The following STX1B variants were observed in gnomAD, a reference collection of about 807,000 sequenced individuals.
STX1B encodes syntaxin-1B.
A neutral mutation model predicts 39.4 loss-of-function variants in STX1B; 7 were observed. The observed-to-expected ratio is 0.18, with a 90% confidence interval of 0.10 to 0.33. STX1B has a LOEUF of 0.33. Among genes scored for constraint, STX1B ranks in the 10% least tolerant of loss-of-function variants. The pLI is 1.00. For missense variants in STX1B, 198 were observed against 383.2 expected (o/e 0.52, Z 4.04); for synonymous variants, 136 against 144.1 (o/e 0.94, Z 0.40).
At position 31,000,910 on chromosome 16, in the gene STX1B, A is replaced by G; in HGVS notation, c.280+18T>C. On this transcript the variant is annotated intron_variant, in intron 4 of 9. Transcript: ENST00000215095. ...CCACAATTCTTTTCCTTCCTGGTTGAGGGATTGTACTCCTCACCTTTCAAT... is the reference window on the plus strand; with the variant it reads ...CCACAATTCTTTTCCTTCCTGGTTGGGGGATTGTACTCCTCACCTTTCAAT... The G allele has an allele frequency of 6.2e-7, 1 of 1,613,758 alleles. No individual in the cohort carries two copies. Among genetic ancestry groups the G allele is most frequent in the Non-Finnish European group, 8.5e-7 (1 of 1,179,682 alleles).
rs35407745 is a variant in STX1B, at chr16:31,005,470, C to CTTTTTTT, written c.31-3874_31-3868dup. Among the ~76,000 whole-genome samples, 57 of 113,734 alleles carry CTTTTTTT rather than the reference C, an allele frequency of 5.0e-4. 1 individual carries two copies. Among genetic ancestry groups the CTTTTTTT allele is most frequent in the Non-Finnish European group, 6.3e-4 (38 of 60,574 alleles). 74.6% of individuals were successfully genotyped at this position (113,734 alleles called of 152,430 possible). On this transcript the variant is annotated intron_variant, in intron 1 of 9. Transcript: ENST00000215095. The stretch of plus-strand genomic sequence containing the variant: ...TTGCATTTCTTTTTTTTTCTTTTTC[C>CTTTTTTT]TTTTTTTTTTTTTTTTTTTGAGAGA...
Position 30,992,593 on chromosome 16 carries a change from T to C in STX1B, c.*228A>G, listed in dbSNP as rs560600993. 12 of 422,904 alleles carry C rather than the reference T, an allele frequency of 2.8e-5. No homozygotes were observed. Among genetic ancestry groups the C allele is most frequent in the Non-Finnish European group, 4.3e-5 (10 of 235,218 alleles). The allele number at this position is 422,904 out of a possible 1,614,324, so 26.2% of individuals were successfully genotyped here. A position where few individuals can be genotyped will look rare whatever the true frequency, so the allele number is the denominator to read the frequency against. Reference sequence around the variant, plus strand: ...CTCGAGCATGTGCCGGCGGCATGCATGTTGGTGTGCATGTGTAATCACGCC... The same window carrying C: ...CTCGAGCATGTGCCGGCGGCATGCACGTTGGTGTGCATGTGTAATCACGCC... On this transcript the variant is annotated 3_prime_UTR_variant, in exon 10 of 10. Coordinates refer to ENST00000215095, the MANE Select transcript of STX1B (RefSeq NM_052874.5).
rs780678365 is a variant in STX1B at position 31,010,436 on chromosome 16, T to TCTG, written c.-43_-41dup. Reference sequence around the variant, plus strand: ...TCCTCCTCCTCCTAGTCCTCCTGCCTCTGCTGCTGCTCCGGGTCTCCCGCC... The same window carrying TCTG: ...TCCTCCTCCTCCTAGTCCTCCTGCCTCTGCTGCTGCTGCTCCGGGTCTCCCGCC... On this transcript the variant is annotated 5_prime_UTR_variant, in exon 1 of 10. Coordinates refer to ENST00000215095, the MANE Select transcript of STX1B (RefSeq NM_052874.5). The TCTG allele has an allele frequency of 7.3e-7, 1 of 1,371,256 alleles. No individual in the cohort carries two copies. The highest frequency in any genetic ancestry group is 1.9e-5 in the South Asian group (1 of 52,532). 84.9% of individuals were successfully genotyped at this position (1,371,256 alleles called of 1,614,324 possible).
At chr16:30,999,292 C>G (rs1361124148) in intron 4 of STX1B, among the ~76,000 whole-genome samples, 1 of 152,228 alleles carries the variant, frequency 6.6e-6, no homozygotes, top group Non-Finnish European at 1.5e-5. Flanking sequence ...ATGGCCTCCC[C>G]TCCAGTCCAG....
chr16:30,994,284 T>TC (rs2056579613), intron 7 of STX1B, among the ~76,000 whole-genome samples: 1 of 49,732 alleles, frequency 2.0e-5, no homozygotes. Context: ...AGAGCGAGAC[T>TC]CCGTCTCAAA....
At chr16:31,008,371 G>T (rs935088008) in intron 1 of STX1B, among the ~76,000 whole-genome samples, 1 of 151,702 alleles carries the variant, frequency 6.6e-6, no homozygotes, top group Non-Finnish European at 1.5e-5. Context: ...TCTGAGCAGG[G>T]GCCCCTGACT....
At chr16:31,000,315 T>C (rs538998560) in intron 4 of STX1B, among the ~76,000 whole-genome samples, 1 of 133,500 alleles carries the variant, frequency 7.5e-6, no homozygotes, top group South Asian at 2.6e-4. Flanking sequence ...CCCTTTTTTT[T>C]TGTTTGTTTG....
chr16:30,997,687 G>T, intron 4 of STX1B, 112 bp from the exon 5 acceptor site: 1 of 1,020,550 alleles, frequency 9.8e-7, no homozygotes, highest in Non-Finnish European at 1.5e-6. Context: ...GGGGAGAAAC[G>T]TCATCCCCAG....
chr16:30,997,655 A>C (rs2056603045), intron 4 of STX1B, 80 bp from the exon 5 acceptor site: 1 of 1,342,678 alleles, frequency 7.4e-7, no homozygotes, highest in Admixed American at 2.1e-5. Context: ...AATGGTCAAC[A>C]CCCCGCGGCA....
rs576911808 is a variant in STX1B, at chr16:30,989,355, G to C, written c.*3466C>G. On this transcript the variant is annotated 3_prime_UTR_variant, in exon 10 of 10. Transcript: ENST00000215095. Reference sequence around the variant, plus strand: ...GGGGACAGGACATGCAGGGAGGAAGGGGGGGGCAGGATTTTCCTGTGTTTT... The same window carrying C: ...GGGGACAGGACATGCAGGGAGGAAGCGGGGGGCAGGATTTTCCTGTGTTTT... 7.2e-5 allele frequency: 11 copies of C among 151,960 alleles called. No individual in the cohort carries two copies. The highest frequency in any genetic ancestry group is 1.9e-4 in the East Asian group (1 of 5,162). The allele number at this position is 151,960 out of a possible 1,614,324, so 9.4% of individuals were successfully genotyped here. A position where few individuals can be genotyped will look rare whatever the true frequency, so the allele number is the denominator to read the frequency against.
At position 30,992,791 on chromosome 16, in the gene STX1B, G is replaced by A; in HGVS notation, c.*30C>T. 1.4e-6 allele frequency: 2 copies of A among 1,453,028 alleles called. No homozygotes were observed. The highest frequency in any genetic ancestry group is 1.9e-6 in the Non-Finnish European group (2 of 1,036,636). 90.0% of individuals were successfully genotyped at this position (1,453,028 alleles called of 1,614,324 possible). A position where few individuals can be genotyped will look rare whatever the true frequency, so the allele number is the denominator to read the frequency against. Reference sequence around the variant, plus strand: ...TATTGCTCCCGATGTGGTGGGGGAAGGGTCTGGGAGAGAGAAGGGTGGGGG... The same window carrying A: ...TATTGCTCCCGATGTGGTGGGGGAAAGGTCTGGGAGAGAGAAGGGTGGGGG... On this transcript the variant is annotated 3_prime_UTR_variant, in exon 10 of 10. Coordinates refer to ENST00000215095, the MANE Select transcript of STX1B (RefSeq NM_052874.5).
At chr16:31,009,434 A>G (rs1704973676) in intron 1 of STX1B, among the ~76,000 whole-genome samples, 1 of 151,898 alleles carries the variant, frequency 6.6e-6, no homozygotes, top group South Asian at 2.1e-4. Flanking sequence ...ACCCTTATTA[A>G]CATAACACCA....
intron 9 of STX1B, 112 bp from the exon 10 acceptor site, chr16:30,993,013 G>A: frequency 7.6e-7 from 1 of 1,317,258 alleles, no homozygotes; most frequent in South Asian, 1.2e-5. Context: ...AGAGAAAACA[G>A]AAACAGGAAG....
At chr16:30,997,123 G>C (rs1468478608) in intron 5 of STX1B, 64 bp from the exon 6 acceptor site, 3 of 1,170,892 alleles carry the variant, frequency 2.6e-6, no homozygotes, top group Admixed American at 1.8e-5. Context: ...AGGGAGTCAG[G>C]GAGCAGAGAC....
At chr16:30,999,670 C>T (rs1460747819) in intron 4 of STX1B, among the ~76,000 whole-genome samples, 1 of 152,216 alleles carries the variant, frequency 6.6e-6, no homozygotes, top group Non-Finnish European at 1.5e-5. Context: ...CCAAGGATAC[C>T]GATTCAGAGG....
Position 31,000,983 on chromosome 16 carries a change from C to T in STX1B, c.225G>A (p.Glu75=). The change falls in exon 4 of 10, where the codon GAG becomes GAA. Residue 75 remains glutamate (E), a synonymous_variant. Coordinates refer to ENST00000215095, the MANE Select transcript of STX1B (RefSeq NM_052874.5). ...NPDEKTKQEL[E]DLTADIKKTA... is the part of the protein sequence containing the mutation. Reference sequence around the variant, plus strand: ...TCTTCTTGATGTCTGCAGTGAGATCCTCCAGCTCCTGTTTGGTCTCTGAGG... The same window carrying T: ...TCTTCTTGATGTCTGCAGTGAGATCTTCCAGCTCCTGTTTGGTCTCTGAGG... 6.2e-7 allele frequency: 1 copy of T among 1,614,188 alleles called. No homozygotes were observed. The highest frequency in any genetic ancestry group is 8.5e-7 in the Non-Finnish European group (1 of 1,180,038).
Position 31,000,299 on chromosome 16 carries a change from C to A in STX1B, c.280+629G>T, listed in dbSNP as rs140115298. Among the ~76,000 whole-genome samples the A allele has an allele frequency of 9.4e-3, 1,421 of 150,434 alleles. 20 individuals carry two copies. Among genetic ancestry groups the A allele is most frequent in the African/African-American group, 0.032 (1,313 of 40,936 alleles). ...GGGATTATAGGCATGAGCTACCACG[C>A]CCAGTCCCTTTTTTTTTGTTTGTTT... On this transcript the variant is annotated intron_variant, in intron 4 of 9. Coordinates refer to ENST00000215095, the MANE Select transcript of STX1B (RefSeq NM_052874.5).
intron 9 of STX1B, 76 bp downstream of exon 9, chr16:30,993,054 C>T (rs752663055): frequency 3.6e-5 from 53 of 1,467,946 alleles, no homozygotes; most frequent in Admixed American, 1.2e-4. Flanking sequence ...GCCTCCCGCC[C>T]GCTGCCATCA....
intron 7 of STX1B, 200 bp downstream of exon 7, chr16:30,996,483 A>T: frequency 1.7e-6 from 1 of 586,796 alleles, no homozygotes; most frequent in Non-Finnish European, 3.0e-6. Flanking sequence ...AAGTGCTTAG[A>T]ACAGTGCCTG....
Sources: gnomAD v4.1 joint callset for allele counts (sites outside exome capture counted in the v4.1 genomes callset) on GRCh38, gnomAD v4.1.1 for gene constraint, MANE v1.5 for transcripts, NCBI Gene and HGNC (gene_info 2026-07-23, HGNC 2026-07-21) for gene names.